EPS15: variants seen among roughly 807,000 people sequenced by gnomAD.
EPS15 encodes the protein epidermal growth factor receptor substrate 15.
EPS15 carries 72 observed loss-of-function variants against 113.8 expected under a neutral mutation model. The ratio of observed to expected loss-of-function variants is 0.63; its 90% CI spans 0.52 to 0.77. The LOEUF is 0.77. EPS15 is among the 30% of genes least tolerant of loss of function. The pLI is 0.00. For synonymous variants in EPS15, 344 were observed against 363.4 expected, an observed-to-expected ratio of 0.95 and a Z score of 0.61; for missense variants, 1,048 against 1,045.8, an observed-to-expected ratio of 1.00 and a Z score of -0.03.
At chr1:51,474,765 C>T (rs942827482) in intron 2 of EPS15, among the ~76,000 whole-genome samples, 10 of 151,824 alleles carry the variant, frequency 6.6e-5, no homozygotes, top group Non-Finnish European at 4.4e-5. Flanking sequence ...ATGTGCCATG[C>T]TGGTGTGCTG....
Position 51,355,946 on chromosome 1 carries a change from C to A in EPS15, c.*754G>T, listed in dbSNP as rs1435167113. The A allele has an allele frequency of 2.6e-5, 5 of 192,214 alleles. No homozygotes were observed. Among genetic ancestry groups the A allele is most frequent in the Non-Finnish European group, 5.4e-5 (5 of 92,070 alleles). The allele number at this position is 192,214 out of a possible 1,614,324, so 11.9% of individuals were successfully genotyped here. A position where few individuals can be genotyped will look rare whatever the true frequency, so the allele number is the denominator to read the frequency against. Reference sequence around the variant, plus strand: ...ATCACTTAAAATGAACATTTTCTTACAAACTTTATTTGTAAGAAACTGATT... The same window carrying A: ...ATCACTTAAAATGAACATTTTCTTAAAAACTTTATTTGTAAGAAACTGATT... On this transcript the variant is annotated 3_prime_UTR_variant, in exon 25 of 25. Transcript: ENST00000371733.
Position 51,364,015 on chromosome 1 carries a change from T to A in EPS15, c.2210A>T (p.Asp737Val). 1.2e-6 allele frequency: 2 copies of A among 1,612,058 alleles called. No individual in the cohort carries two copies. Among genetic ancestry groups the A allele is most frequent in the South Asian group, 2.2e-5 (2 of 90,678 alleles). ...FSTLSKVNNE[D>V]PFRSATSSSV... ...GCTCGATGTGGCTGAACGAAAAGGA[T>A]CTTCATTGTTGACCTTTGTTTAAAA... Residue 737 changes from aspartate to valine, a missense_variant, in exon 23 of 25, where the codon GAT (aspartate) becomes GTT (valine). Coordinates refer to ENST00000371733, the MANE Select transcript of EPS15 (RefSeq NM_001981.3).
chr1:51,506,908 A>C (rs1644508910), intron 1 of EPS15, among the ~76,000 whole-genome samples: 1 of 152,220 alleles, frequency 6.6e-6, no homozygotes, highest in Non-Finnish European at 1.5e-5. Flanking sequence ...TACAAACTGA[A>C]ATATTTCAAT....
At chr1:51,401,222 G>T in intron 18 of EPS15, 1 of 292,968 alleles carries the variant, frequency 3.4e-6, no homozygotes, top group Admixed American at 5.3e-5. Flanking sequence ...AGAGTACTGG[G>T]AGGGTATTAT....
At chr1:51,388,644 C>T (rs1373186643) in intron 21 of EPS15, among the ~76,000 whole-genome samples, 6 of 151,972 alleles carry the variant, frequency 3.9e-5, no homozygotes, top group East Asian at 1.9e-4. Context: ...ATATCACCAC[C>T]GATCCCACAG....
intron 24 of EPS15, among the ~76,000 whole-genome samples, chr1:51,359,246 C>T (rs796709010): frequency 2.0e-5 from 3 of 151,670 alleles, no homozygotes; most frequent in African/African-American, 7.3e-5. Flanking sequence ...GGGATCGAGA[C>T]CATCCCGGCC....
intron 12 of EPS15, among the ~76,000 whole-genome samples, chr1:51,433,264 T>C (rs1340670084): frequency 1.3e-5 from 2 of 151,628 alleles, no homozygotes; most frequent in Non-Finnish European, 2.9e-5. Flanking sequence ...GAGTAAATCC[T>C]GTACTCTAAG....
intron 1 of EPS15, among the ~76,000 whole-genome samples, chr1:51,501,970 TA>T (rs1356918787): frequency 6.6e-6 from 1 of 152,068 alleles, no homozygotes; most frequent in Non-Finnish European, 1.5e-5. Context: ...AATGTGAATT[TA>T]AAACAACCCT....
chr1:51,423,056 C>T (rs987360417), intron 12 of EPS15, among the ~76,000 whole-genome samples: 1 of 152,164 alleles, frequency 6.6e-6, no homozygotes, highest in African/African-American at 2.4e-5. Context: ...TTCTCACCTT[C>T]TTGAGGTGAG....
At chr1:51,368,265 A>G (rs1490445713) in intron 21 of EPS15, among the ~76,000 whole-genome samples, 1 of 152,228 alleles carries the variant, frequency 6.6e-6, no homozygotes, top group Admixed American at 6.5e-5. Flanking sequence ...TGGACATAAA[A>G]AGAGGAGCAA....
intron 1 of EPS15, among the ~76,000 whole-genome samples, chr1:51,501,708 A>G (rs2148551709): frequency 6.6e-6 from 1 of 152,106 alleles, no homozygotes; most frequent in Admixed American, 6.5e-5. Context: ...CAAACTCCTG[A>G]TCTCAGGTGA....
rs905975130 is a variant in EPS15, at chr1:51,447,901, A to G, written c.651+145T>C. ...ACTGTTAAATGCCATGTACTTTGTT[A>G]AAAAAAAATCCTTTAACACTGATAA... On this transcript the variant is annotated intron_variant, in intron 9 of 24. Coordinates refer to ENST00000371733, the MANE Select transcript of EPS15 (RefSeq NM_001981.3). The G allele has an allele frequency of 2.7e-6, 3 of 1,100,732 alleles. No individual in the cohort carries two copies. The African/African-American group carries it at 5.1e-5, about 19-fold the overall frequency. The allele number at this position is 1,100,732 out of a possible 1,614,324, so 68.2% of individuals were successfully genotyped here. A position where few individuals can be genotyped will look rare whatever the true frequency, so the allele number is the denominator to read the frequency against.
chr1:51,440,289 G>A (rs1652488602), intron 12 of EPS15, 58 bp downstream of exon 12: 10 of 637,830 alleles, frequency 1.6e-5, no homozygotes, highest in Non-Finnish European at 2.6e-5. Context: ...GTGTGTGTGT[G>A]TGTGTGTGTG....
At chr1:51,476,471 T>C (rs1478267584) in intron 2 of EPS15, among the ~76,000 whole-genome samples, 2 of 152,188 alleles carry the variant, frequency 1.3e-5, no homozygotes, top group African/African-American at 2.4e-5. Context: ...CTAGATTTTC[T>C]AGTTTATTTG....
At chr1:51,400,561 C>T (rs1298274129) in intron 19 of EPS15, among the ~76,000 whole-genome samples, 1 of 151,232 alleles carries the variant, frequency 6.6e-6, no homozygotes, top group African/African-American at 2.4e-5. Context: ...GTCAAGTATG[C>T]TGGCATGAGC....
intron 1 of EPS15, among the ~76,000 whole-genome samples, chr1:51,494,038 C>A (rs1195049214): frequency 6.6e-6 from 1 of 152,184 alleles, no homozygotes; most frequent in Non-Finnish European, 1.5e-5. Flanking sequence ...TCTACCCCAA[C>A]CCTACATCAA....
chr1:51,401,529 A>G (rs1473166159), intron 18 of EPS15, among the ~76,000 whole-genome samples: 1 of 152,246 alleles, frequency 6.6e-6, no homozygotes, highest in Admixed American at 6.5e-5. Context: ...ACTCTTAGAC[A>G]AAGACAGCAT....
chr1:51,445,808 A>G (rs1328509928), intron 10 of EPS15, among the ~76,000 whole-genome samples: 1 of 152,226 alleles, frequency 6.6e-6, no homozygotes, highest in Non-Finnish European at 1.5e-5. Context: ...TAAGTTTTTT[A>G]ACCTCTCCAA....
chr1:51,406,445 A>G (rs1305876516), intron 15 of EPS15, among the ~76,000 whole-genome samples: 1 of 152,168 alleles, frequency 6.6e-6, no homozygotes, highest in Non-Finnish European at 1.5e-5. Flanking sequence ...ACTGCACTCG[A>G]GTGACAGAAT....
Sources: gnomAD v4.1 joint callset for allele counts (sites outside exome capture counted in the v4.1 genomes callset) on GRCh38, gnomAD v4.1.1 for gene constraint, MANE v1.5 for transcripts, NCBI Gene and HGNC (gene_info 2026-07-23, HGNC 2026-07-21) for gene names.